ZFHX3: variants seen among roughly 807,000 people sequenced by gnomAD.
ZFHX3 encodes zinc finger homeobox protein 3.
Under a neutral mutation model 279.1 loss-of-function variants are expected in ZFHX3, and 42 were observed. That is an observed-to-expected ratio of 0.15 (90% confidence interval 0.12 to 0.19). ZFHX3 has a LOEUF of 0.19. ZFHX3 is among the 10% of genes least tolerant of loss of function. ZFHX3 has a pLI of 1.00. For missense variants in ZFHX3, 4,981 were observed against 4,754.0 expected (o/e 1.05, Z -1.40); for synonymous variants, 2,293 against 1,957.8 (o/e 1.17, Z -4.52).
intron 1 of ZFHX3, among the ~76,000 whole-genome samples, chr16:73,726,276 AG>A (rs749814481): frequency 4.4e-4 from 67 of 152,340 alleles, no homozygotes; most frequent in Non-Finnish European, 7.8e-4. Context: ...ACAAAGTGCG[AG>A]TCTCCTGAAA....
At chr16:73,246,258 G>A (rs2013276552) in intron 5 of ZFHX3, among the ~76,000 whole-genome samples, 1 of 152,154 alleles carries the variant, frequency 6.6e-6, no homozygotes, top group Non-Finnish European at 1.5e-5. Context: ...CACCAAGCAT[G>A]GCTGGCAGCA....
Position 73,572,300 on chromosome 16 carries a change from T to G in ZFHX3, c.-1547+107880A>C, listed in dbSNP as rs1180209102. On this transcript the variant is annotated intron_variant, in intron 2 of 17. Transcript: ENST00000641206. ...GTTTTTTTAAGAGTGTGCTAGGAATTCCAGTTCTTGAAGAGTCACGGCCTG... is the reference window on the plus strand; with the variant it reads ...GTTTTTTTAAGAGTGTGCTAGGAATGCCAGTTCTTGAAGAGTCACGGCCTG... 3.9e-5 allele frequency among the ~76,000 whole-genome samples: 6 copies of G among 152,128 alleles called. No individual in the cohort carries two copies. In the East Asian group the frequency reaches 1.2e-3, roughly 29 times the overall value.
chr16:73,561,374 T>C (rs1305505278), intron 2 of ZFHX3, among the ~76,000 whole-genome samples: 4 of 152,242 alleles, frequency 2.6e-5, no homozygotes, highest in Non-Finnish European at 4.4e-5. Context: ...TATACAATTA[T>C]CTAAATCTCC....
chr16:73,873,338 A>T (rs1299744644), intron 1 of ZFHX3, among the ~76,000 whole-genome samples: 1 of 151,574 alleles, frequency 6.6e-6, no homozygotes, highest in Admixed American at 6.6e-5. Flanking sequence ...TGACCAAATT[A>T]GCCAAGTGTG....
chr16:73,228,911 G>A (rs2012686671), intron 5 of ZFHX3, among the ~76,000 whole-genome samples: 1 of 152,130 alleles, frequency 6.6e-6, no homozygotes, highest in African/African-American at 2.4e-5. Flanking sequence ...TGTGTTTTTG[G>A]AAGACGTCGT....
intron 1 of ZFHX3, among the ~76,000 whole-genome samples, chr16:73,820,815 GT>G (rs1347378047): frequency 2.0e-5 from 3 of 151,714 alleles, no homozygotes; most frequent in African/African-American, 7.3e-5. Flanking sequence ...TACTACCAAA[GT>G]TATTGAGACT....
chr16:73,662,807 C>T (rs1193909390), intron 2 of ZFHX3, among the ~76,000 whole-genome samples: 2 of 152,144 alleles, frequency 1.3e-5, no homozygotes, highest in African/African-American at 4.8e-5. Context: ...TTCCTGCACA[C>T]ATCACAATCT....
chr16:72,963,804 C>T (rs1032177071), intron 1 of ZFHX3, among the ~76,000 whole-genome samples: 7 of 151,984 alleles, frequency 4.6e-5, no homozygotes, highest in South Asian at 4.2e-4. Context: ...GCAGTTATGA[C>T]GAAGGGGAGG....
At chr16:72,902,550 T>C (rs117062506) in intron 3 of ZFHX3, among the ~76,000 whole-genome samples, 4 of 152,240 alleles carry the variant, frequency 2.6e-5, no homozygotes, top group East Asian at 3.9e-4. Flanking sequence ...GAAAACAAAA[T>C]AGATTAACAG....
chr16:73,086,476 T>C (rs1340689197), intron 8 of ZFHX3, among the ~76,000 whole-genome samples: 1 of 152,168 alleles, frequency 6.6e-6, no homozygotes, highest in Non-Finnish European at 1.5e-5. Flanking sequence ...CATCAATGGA[T>C]GAATGGATAA....
intron 2 of ZFHX3, among the ~76,000 whole-genome samples, chr16:73,502,164 T>C (rs970959971): frequency 6.6e-6 from 1 of 152,098 alleles, no homozygotes; most frequent in African/African-American, 2.4e-5. Context: ...TGAACGTAAA[T>C]GCGAGCTTCT....
intron 6 of ZFHX3, among the ~76,000 whole-genome samples, chr16:73,140,283 T>A (rs887828360): frequency 1.3e-5 from 2 of 152,070 alleles, no homozygotes; most frequent in Non-Finnish European, 2.9e-5. Context: ...TAAAATAAAA[T>A]GACCTTTTTA....
At chr16:73,503,463 C>T (rs967318126) in intron 2 of ZFHX3, among the ~76,000 whole-genome samples, 2 of 152,064 alleles carry the variant, frequency 1.3e-5, no homozygotes, top group Non-Finnish European at 2.9e-5. Flanking sequence ...AGGAGTTGAC[C>T]GCACGTGTCT....
chr16:73,047,592 C>G (rs1965344757), intron 1 of ZFHX3, among the ~76,000 whole-genome samples, 160 bp downstream of exon 1: 1 of 152,156 alleles, frequency 6.6e-6, no homozygotes, highest in Non-Finnish European at 1.5e-5. Flanking sequence ...TTTAGGCGCT[C>G]TCACCCTAGG....
intron 5 of ZFHX3, among the ~76,000 whole-genome samples, chr16:72,819,870 A>G (rs940608939): frequency 2.0e-5 from 3 of 152,254 alleles, no homozygotes; most frequent in Non-Finnish European, 4.4e-5. Flanking sequence ...GTAATCCAGA[A>G]TAAGGACAGA....
exon 3 of ZFHX3, chr16:73,456,087 G>A (rs2018366169): frequency 6.6e-6 from 1 of 152,126 alleles, no homozygotes; most frequent in South Asian, 2.1e-4. Context: ...TAGGATGCCA[G>A]GGGAGCCGTC....
chr16:73,490,742 T>A (rs1403248961), intron 2 of ZFHX3, among the ~76,000 whole-genome samples: 1 of 151,944 alleles, frequency 6.6e-6, no homozygotes, highest in Admixed American at 6.6e-5. Flanking sequence ...GAGGGTGAGG[T>A]GGAAGGATCA....
chr16:73,088,492 G>T (rs1361980656), intron 8 of ZFHX3, among the ~76,000 whole-genome samples: 1 of 152,080 alleles, frequency 6.6e-6, no homozygotes, highest in Non-Finnish European at 1.5e-5. Context: ...CCATCTCCAT[G>T]ATTGCATGAA....
intron 2 of ZFHX3, among the ~76,000 whole-genome samples, chr16:73,597,271 CCTT>C (rs1555527161): frequency 6.6e-6 from 1 of 152,162 alleles, no homozygotes; most frequent in Non-Finnish European, 1.5e-5. Context: ...AATTACTTCC[CCTT>C]CTGTTGACCT....
Sources: allele counts gnomAD v4.1 joint callset (sites outside exome capture counted in the v4.1 genomes callset), GRCh38; gene constraint gnomAD v4.1.1; transcripts MANE v1.5; gene names NCBI Gene and HGNC (gene_info 2026-07-23, HGNC 2026-07-21).